Variants in CFAP299 observed in about 807,000 individuals in gnomAD.
CFAP299 encodes the protein cilia- and flagella-associated protein 299.
Under a neutral mutation model 27.0 loss-of-function variants are expected in CFAP299, and 21 were observed. That is an observed-to-expected ratio of 0.78 (90% CI 0.55 to 1.12). The LOEUF (loss-of-function observed/expected upper bound fraction) is 1.12, where lower values mean the gene tolerates loss of function less well. Ranked by LOEUF, CFAP299 falls within the 50% of genes most tolerant of loss-of-function variation. The pLI, the probability that CFAP299 is intolerant of heterozygous loss-of-function variation, is 0.00. For synonymous variants in CFAP299, 104 were observed against 98.1 expected, an observed-to-expected ratio of 1.06 and a Z score of -0.36; for missense variants, 310 against 276.6, an observed-to-expected ratio of 1.12 and a Z score of -0.86.
chr4:80,863,175 A>C (rs1286737526), intron 3 of CFAP299, among the ~76,000 whole-genome samples: 4 of 150,306 alleles, frequency 2.7e-5, no homozygotes, highest in African/African-American at 9.8e-5. Flanking sequence ...TTTCAGTTTC[A>C]GTACAGCAAC....
chr4:80,919,952 C>G (rs1472408031), intron 4 of CFAP299, among the ~76,000 whole-genome samples: 1 of 152,064 alleles, frequency 6.6e-6, no homozygotes, highest in Non-Finnish European at 1.5e-5. Flanking sequence ...AACATTAGTT[C>G]TTATAATTCT....
At chr4:80,569,018 C>A (rs1165389314) in intron 2 of CFAP299, among the ~76,000 whole-genome samples, 1 of 152,108 alleles carries the variant, frequency 6.6e-6, no homozygotes, top group African/African-American at 2.4e-5. Flanking sequence ...GACCACACTG[C>A]CTATCAGGTA....
At chr4:80,388,163 G>A in intron 2 of CFAP299, 1 of 677,072 alleles carries the variant, frequency 1.5e-6, no homozygotes, top group African/African-American at 1.8e-5. Context: ...AGGTGGTGAG[G>A]GCAGTGGTGG....
intron 3 of CFAP299, among the ~76,000 whole-genome samples, chr4:80,755,294 C>T (rs781670261): frequency 2.6e-5 from 4 of 151,528 alleles, no homozygotes; most frequent in Non-Finnish European, 2.9e-5. Flanking sequence ...GTTCTAACAA[C>T]AGCAACAAAA....
At chr4:80,558,850 G>A (rs1400394597) in intron 2 of CFAP299, among the ~76,000 whole-genome samples, 2 of 152,048 alleles carry the variant, frequency 1.3e-5, no homozygotes, top group Non-Finnish European at 2.9e-5. Flanking sequence ...TATCTCATGA[G>A]TAAGTGAGGT....
At chr4:80,696,279 A>G (rs1346206861) in intron 3 of CFAP299, among the ~76,000 whole-genome samples, 1 of 137,426 alleles carries the variant, frequency 7.3e-6, no homozygotes, top group Non-Finnish European at 1.6e-5. Context: ...AGCCTGGACA[A>G]CAGAGCTCCG....
At chr4:80,394,917 T>G (rs770308418) in intron 2 of CFAP299, among the ~76,000 whole-genome samples, 9 of 152,112 alleles carry the variant, frequency 5.9e-5, no homozygotes, top group Non-Finnish European at 8.8e-5. Context: ...GGGTCTTTTG[T>G]GATACCACAA....
In CFAP299 at chr4:80,877,987, A is replaced by G. The variant is rs531914965; in HGVS notation, c.476+7852A>G. On this transcript the variant is annotated intron_variant, in intron 4 of 5. Transcript: ENST00000358105. ...ATATTTCATCTTGCGTCTCATGAGT[A>G]TAAGGACATCCTCCTACATAACATC... is the stretch of plus-strand genomic sequence containing the variant. Among the ~76,000 whole-genome samples the G allele has an allele frequency of 1.6e-3, 246 of 152,222 alleles. 2 individuals carry two copies. Among genetic ancestry groups the G allele is most frequent in the Non-Finnish European group, 2.9e-3 (198 of 67,958 alleles).
At chr4:80,326,111 G>T in the CFAP299 span, among the ~76,000 whole-genome samples, 1 of 152,150 alleles carries the variant, frequency 6.6e-6, no homozygotes, top group African/African-American at 2.4e-5. Flanking sequence ...ATCCTGGAAG[G>T]TAATTAATTC....
intron 2 of CFAP299, among the ~76,000 whole-genome samples, chr4:80,522,807 A>G (rs1413198197): frequency 6.6e-6 from 1 of 152,028 alleles, no homozygotes; most frequent in East Asian, 1.9e-4. Context: ...ATTTGGCCAT[A>G]TATGTATGGG....
At chr4:80,641,728 T>A (rs1739736252) in intron 3 of CFAP299, among the ~76,000 whole-genome samples, 1 of 152,174 alleles carries the variant, frequency 6.6e-6, no homozygotes, top group Admixed American at 6.5e-5. Context: ...ACACGGGACA[T>A]CACATGGACG....
chr4:80,613,023 A>G (rs983427724), intron 3 of CFAP299, among the ~76,000 whole-genome samples: 3 of 152,126 alleles, frequency 2.0e-5, no homozygotes, highest in African/African-American at 7.2e-5. Context: ...GCTCTTTCAT[A>G]TGCATTTACA....
chr4:80,470,804 A>G (rs1423351425), intron 2 of CFAP299, among the ~76,000 whole-genome samples: 2 of 152,214 alleles, frequency 1.3e-5, no homozygotes, highest in Non-Finnish European at 1.5e-5. Flanking sequence ...AACTGAGAAA[A>G]TAGGATAGGG....
intron 3 of CFAP299, among the ~76,000 whole-genome samples, chr4:80,760,432 T>C (rs2110077422): frequency 6.6e-6 from 1 of 152,272 alleles, no homozygotes; most frequent in Non-Finnish European, 1.5e-5. Context: ...TCCCACCATA[T>C]GTAACCATAA....
At chr4:80,525,435 T>C (rs1733123472) in intron 2 of CFAP299, among the ~76,000 whole-genome samples, 1 of 152,158 alleles carries the variant, frequency 6.6e-6, no homozygotes, top group African/African-American at 2.4e-5. Flanking sequence ...CATTATTTCT[T>C]ACTTCAACAA....
intron 3 of CFAP299, among the ~76,000 whole-genome samples, chr4:80,615,701 T>C (rs987628119): frequency 1.3e-5 from 2 of 152,172 alleles, no homozygotes; most frequent in Non-Finnish European, 2.9e-5. Flanking sequence ...CATGCCCTGC[T>C]TAGGCATACA....
At chr4:80,658,657 T>A (rs1740683287) in intron 3 of CFAP299, among the ~76,000 whole-genome samples, 1 of 152,140 alleles carries the variant, frequency 6.6e-6, no homozygotes, top group South Asian at 2.1e-4. Context: ...TCATCACTGT[T>A]TCACTTGTGA....
intron 1 of CFAP299, among the ~76,000 whole-genome samples, chr4:80,359,356 A>T (rs150833250): frequency 1.4e-3 from 220 of 152,216 alleles, no homozygotes; most frequent in African/African-American, 4.9e-3. Flanking sequence ...CTGAATTTTA[A>T]AATTGTCCCC....
intron 3 of CFAP299, among the ~76,000 whole-genome samples, chr4:80,645,499 G>A (rs1256366917): frequency 6.6e-6 from 1 of 152,028 alleles, no homozygotes; most frequent in African/African-American, 2.4e-5. Context: ...ACATATGTAG[G>A]TGTATCTGTT....
Sources: gnomAD v4.1 joint callset for allele counts (sites outside exome capture counted in the v4.1 genomes callset) on GRCh38, gnomAD v4.1.1 for gene constraint, MANE v1.5 for transcripts, NCBI Gene and HGNC (gene_info 2026-07-23, HGNC 2026-07-21) for gene names.